The following MATCAP1 variants were observed in gnomAD, a reference collection of about 807,000 sequenced individuals.
MATCAP1 encodes microtubule associated tyrosine carboxypeptidase 1, also known as microtubule-associated tyrosine carboxypeptidase 1.
the MATCAP1 span, chr16:67,178,147 G>A: frequency 1.2e-6 from 1 of 846,774 alleles, no homozygotes; most frequent in East Asian, 4.9e-5. Flanking sequence ...CCCCTCGCCC[G>A]AAGCCCCGCC....
At chr16:67,179,976 G>A in the MATCAP1 span, 2 of 1,614,122 alleles carry the variant, frequency 1.2e-6, no homozygotes, top group Non-Finnish European at 1.7e-6. This position sits in a 1 kb window ranked among gnomAD's most constrained non-coding sequence, Gnocchi z 5.2. Context: ...CGGGGCCACA[G>A]TGGCTGGTCA....
the MATCAP1 span, chr16:67,178,184 C>T: frequency 6.5e-7 from 1 of 1,536,080 alleles, no homozygotes; most frequent in Non-Finnish European, 8.8e-7. Flanking sequence ...GCACCTCCCC[C>T]GCGCTGGCGC....
the MATCAP1 span, among the ~76,000 whole-genome samples, chr16:67,182,130 C>A: frequency 6.6e-6 from 1 of 152,052 alleles, no homozygotes; most frequent in Non-Finnish European, 1.5e-5. Flanking sequence ...ATGCCTGTAA[C>A]CCCAGCTACT....
chr16:67,179,816 T>C, the MATCAP1 span: 1 of 1,613,934 alleles, frequency 6.2e-7, no homozygotes, highest in Middle Eastern at 1.6e-4. The surrounding 1 kb of genome is among the most constrained non-coding windows in gnomAD (Gnocchi z 5.2). Context: ...CAAGCTCACC[T>C]CCCCAGCGCA....
At chr16:67,179,610 G>T in the MATCAP1 span, 1 of 1,567,532 alleles carries the variant, frequency 6.4e-7, no homozygotes, top group Non-Finnish European at 8.8e-7. The surrounding 1 kb of genome is among the most constrained non-coding windows in gnomAD (Gnocchi z 5.2). Context: ...TGGGGCCAGG[G>T]TGCAGGTGGA....
At chr16:67,177,669 G>A in the MATCAP1 span, among the ~76,000 whole-genome samples, 10 of 152,202 alleles carry the variant, frequency 6.6e-5, no homozygotes, top group East Asian at 1.9e-3. Flanking sequence ...CGTTGCTTCA[G>A]ATGAAATCTA....
At chr16:67,180,047 G>A in the MATCAP1 span, 52,256 of 1,613,864 alleles carry the variant, frequency 0.032, 1,232 homozygotes, top group South Asian at 0.069. Flanking sequence ...TGACCTGATG[G>A]ATGAACTGTC....
At chr16:67,179,134 A>G in the MATCAP1 span, 5 of 1,222,608 alleles carry the variant, frequency 4.1e-6, no homozygotes, top group Admixed American at 2.1e-4. This position sits in a 1 kb window ranked among gnomAD's most constrained non-coding sequence, Gnocchi z 5.2. Flanking sequence ...CTGGCCGGTC[A>G]GGGCCTGACC....
At chr16:67,179,720 G>C in the MATCAP1 span, 1 of 1,550,990 alleles carries the variant, frequency 6.4e-7, no homozygotes, top group Admixed American at 1.7e-5. The surrounding 1 kb of genome is among the most constrained non-coding windows in gnomAD (Gnocchi z 5.2). Flanking sequence ...TGGGGCAGGG[G>C]CAGGGGTGGG....
At chr16:67,179,320 G>A in the MATCAP1 span, 1 of 1,509,844 alleles carries the variant, frequency 6.6e-7, no homozygotes, top group East Asian at 2.3e-5. This position sits in a 1 kb window ranked among gnomAD's most constrained non-coding sequence, Gnocchi z 5.2. Flanking sequence ...ACCTCAGGAG[G>A]GAAGGGGGAG....
At chr16:67,176,118 T>TAA in the MATCAP1 span, 1 of 81,550 alleles carries the variant, frequency 1.2e-5, no homozygotes, top group East Asian at 3.7e-4. This position sits in a 1 kb window ranked among gnomAD's most constrained non-coding sequence, Gnocchi z 4.3. Flanking sequence ...TGTGTGTGTG[T>TAA]GTAATGGGAG....
At chr16:67,183,373 A>C in the MATCAP1 span, 3 of 152,128 alleles carry the variant, frequency 2.0e-5, no homozygotes, top group Admixed American at 6.5e-5. Context: ...TTCAAGGCTC[A>C]GTTTAGGCCT....
At chr16:67,177,972 G>A in the MATCAP1 span, 1 of 1,556,222 alleles carries the variant, frequency 6.4e-7, no homozygotes, top group Non-Finnish European at 8.9e-7. Flanking sequence ...GCAAGGCAGG[G>A]AGCTGGCTGG....
the MATCAP1 span, chr16:67,180,034 G>T: frequency 6.2e-7 from 1 of 1,613,474 alleles, no homozygotes; most frequent in South Asian, 1.1e-5. Flanking sequence ...GGGGAGGCTG[G>T]ACTGACCTGA....
At chr16:67,177,918 C>A in the MATCAP1 span, 2 of 1,134,500 alleles carry the variant, frequency 1.8e-6, no homozygotes, top group Admixed American at 4.2e-5. Flanking sequence ...GCCTGACACC[C>A]AGCCCTCGGT....
At chr16:67,176,650 A>T in the MATCAP1 span, 1 of 648,306 alleles carries the variant, frequency 1.5e-6, no homozygotes, top group South Asian at 3.0e-5. This position sits in a 1 kb window ranked among gnomAD's most constrained non-coding sequence, Gnocchi z 4.3. Context: ...CAAGGGACAC[A>T]AACACTTTGA....
the MATCAP1 span, chr16:67,178,302 G>A: frequency 6.3e-7 from 1 of 1,582,512 alleles, no homozygotes; most frequent in Middle Eastern, 1.7e-4. Flanking sequence ...AGAGCTGACG[G>A]AAGGACATGC....
At chr16:67,176,612 G>T in the MATCAP1 span, 1 of 452,668 alleles carries the variant, frequency 2.2e-6, no homozygotes, top group Non-Finnish European at 3.8e-6. The surrounding 1 kb of genome is among the most constrained non-coding windows in gnomAD (Gnocchi z 4.3). Context: ...ACATGCTGCT[G>T]CAGGTCCCCA....
the MATCAP1 span, chr16:67,183,687 C>G: frequency 2.0e-5 from 3 of 153,786 alleles, no homozygotes; most frequent in African/African-American, 4.8e-5. Context: ...CAATGGGGAA[C>G]CAGAAATAGA....
Sources: allele counts gnomAD v4.1 joint callset (sites outside exome capture counted in the v4.1 genomes callset), GRCh38; gene constraint gnomAD v4.1.1; non-coding constraint Gnocchi (gnomAD v3.1); transcripts MANE v1.5; gene names NCBI Gene and HGNC (gene_info 2026-07-23, HGNC 2026-07-21).